The following ARL6 variants were observed in gnomAD, a reference collection of about 807,000 sequenced individuals.
The protein encoded by ARL6 is ARF like GTPase 6.
In ARL6, 18 loss-of-function variants were observed where a neutral mutation model predicts 27.1. That is an observed-to-expected ratio of 0.66 (90% CI 0.46 to 0.98). The LOEUF (loss-of-function observed/expected upper bound fraction) is 0.98. ARL6 is among the 50% of genes least tolerant of loss of function. The probability of loss-of-function intolerance (pLI) is 0.00; values close to 1 mark genes in which losing one functional copy is unlikely to be tolerated. For synonymous variants in ARL6, 65 were observed against 72.3 expected, an observed-to-expected ratio of 0.90 and a Z score of 0.51; for missense variants, 187 against 214.9, an observed-to-expected ratio of 0.87 and a Z score of 0.81.
chr3:97,791,082 TTTAAG>T (rs1423960274), intron 6 of ARL6: 1 of 152,092 alleles, frequency 6.6e-6, no homozygotes, highest in Non-Finnish European at 1.5e-5. Context: ...ACAATAACAA[TTTAAG>T]TTTAGTCTCT....
chr3:97,783,934 G>C (rs932765403), intron 4 of ARL6, among the ~76,000 whole-genome samples: 1 of 151,818 alleles, frequency 6.6e-6, no homozygotes, highest in Admixed American at 6.6e-5. Flanking sequence ...GAAAAGTACT[G>C]AGTCATGTAA....
At chr3:97,794,319 T>C (rs2037892961) in intron 7 of ARL6, among the ~76,000 whole-genome samples, 1 of 151,912 alleles carries the variant, frequency 6.6e-6, no homozygotes, top group African/African-American at 2.4e-5. Flanking sequence ...TTCAAGTAAT[T>C]GTCCTGCCTC....
At chr3:97,773,574 C>T (rs181816273) in intron 2 of ARL6, among the ~76,000 whole-genome samples, 4 of 152,216 alleles carry the variant, frequency 2.6e-5, no homozygotes, top group East Asian at 1.9e-4. Flanking sequence ...AACTATCCTT[C>T]GTACAACCGG....
intron 6 of ARL6, among the ~76,000 whole-genome samples, chr3:97,790,553 C>T (rs2037682866): frequency 6.6e-6 from 1 of 152,086 alleles, no homozygotes; most frequent in South Asian, 2.1e-4. Context: ...ATGACACCTA[C>T]ACCAGAGGGG....
chr3:97,789,109 C>T lies in ARL6; in HGVS notation c.479+990C>T, dbSNP rs189117610. Among the ~76,000 whole-genome samples the T allele has an allele frequency of 3.8e-4, 58 of 152,222 alleles. No homozygotes were observed. The East Asian group carries it at 0.011, about 28-fold the overall frequency. ...GCGCTGAAAGAGTAATAGTAAAGAC[C>T]TTAGGAAAGCTCTTGACACTTTCCA... On this transcript the variant is annotated intron_variant, in intron 6 of 7. Coordinates refer to ENST00000463745, the MANE Select transcript of ARL6 (RefSeq NM_001278293.3).
chr3:97,774,752 A>G (rs1316167861), intron 2 of ARL6, among the ~76,000 whole-genome samples: 1 of 152,110 alleles, frequency 6.6e-6, no homozygotes, highest in East Asian at 1.9e-4. Context: ...CTGTTTTTCC[A>G]CAATTTCAGC....
intron 1 of ARL6, chr3:97,765,857 A>G (rs1259569708): frequency 6.6e-6 from 1 of 152,222 alleles, no homozygotes; most frequent in Non-Finnish European, 1.5e-5. Flanking sequence ...GACTGGCTTC[A>G]ATTATCTTTT....
intron 2 of ARL6, among the ~76,000 whole-genome samples, chr3:97,778,536 T>C (rs1442297644): frequency 6.6e-6 from 1 of 152,160 alleles, no homozygotes; most frequent in Non-Finnish European, 1.5e-5. Flanking sequence ...CCTCTAATAC[T>C]GTTTTTTTAT....
intron 1 of ARL6, 62 bp from the exon 2 acceptor site, chr3:97,768,019 T>A (rs2036465339): frequency 7.0e-7 from 1 of 1,429,588 alleles, no homozygotes; most frequent in Non-Finnish European, 9.8e-7. Context: ...TTAATACACC[T>A]ACCAATATTT....
chr3:97,787,903 A>C (rs2037534511), intron 5 of ARL6, 87 bp from the exon 6 acceptor site: 4 of 1,433,088 alleles, frequency 2.8e-6, no homozygotes, highest in Non-Finnish European at 3.9e-6. Flanking sequence ...AATTGAAAAA[A>C]AATTTCATGG....
At chr3:97,776,764 C>G (rs192893491) in intron 2 of ARL6, among the ~76,000 whole-genome samples, 4 of 152,172 alleles carry the variant, frequency 2.6e-5, no homozygotes, top group African/African-American at 7.2e-5. Context: ...TCAAGTGATT[C>G]TGCTACCTCA....
At chr3:97,784,749 G>A (rs1034031852) in intron 4 of ARL6, among the ~76,000 whole-genome samples, 22 of 151,652 alleles carry the variant, frequency 1.5e-4, no homozygotes. Context: ...TTATCCAAAT[G>A]AAAAGGTATT....
At chr3:97,792,400 T>C (rs1278776191) in intron 7 of ARL6, among the ~76,000 whole-genome samples, 1 of 152,056 alleles carries the variant, frequency 6.6e-6, no homozygotes, top group Non-Finnish European at 1.5e-5. Flanking sequence ...GGAGAATCAT[T>C]TGAACCCAGG....
chr3:97,787,722 A>C (rs767949482), intron 5 of ARL6, among the ~76,000 whole-genome samples: 5 of 152,096 alleles, frequency 3.3e-5, no homozygotes, highest in Admixed American at 6.6e-5. Context: ...CTTCTCTGTA[A>C]TGCTTATTGA....
intron 2 of ARL6, among the ~76,000 whole-genome samples, chr3:97,775,443 AG>A (rs34248636): frequency 0.42 from 63,008 of 151,510 alleles, 14,082 homozygotes; most frequent in East Asian, 0.65. Context: ...AGGCTAAGCC[AG>A]CCTAGCCTTT....
chr3:97,780,251 T>G (rs2037124421), intron 3 of ARL6, 31 bp downstream of exon 3: 1 of 1,563,524 alleles, frequency 6.4e-7, no homozygotes, highest in Non-Finnish European at 8.8e-7. Context: ...ACAAAAAAGT[T>G]GCTAGTGAAA....
At chr3:97,795,447 G>C (rs2037954798) in intron 7 of ARL6, among the ~76,000 whole-genome samples, 1 of 152,128 alleles carries the variant, frequency 6.6e-6, no homozygotes, top group East Asian at 1.9e-4. Flanking sequence ...AATGAAAGAA[G>C]ATTGATCAAG....
rs1411972340 is a variant in ARL6 at position 97,780,198 on chromosome 3, A to G, written c.163A>G (p.Ile55Val). 1 of 1,613,050 alleles carries G rather than the reference A, an allele frequency of 6.2e-7. No homozygotes were observed. The highest frequency in any genetic ancestry group is 8.5e-7 in the Non-Finnish European group (1 of 1,179,380). ...QNILPTIGFS[I>V]EKFKSSSLSF... ...TATCCTTCCAACAATAGGATTCAGC[A>G]TAGAGAAATTCAAATCATCCAGGTA... Residue 55 changes from isoleucine to valine, a missense_variant, in exon 3 of 8, where the codon ATA becomes GTA. Coordinates refer to ENST00000463745, the MANE Select transcript of ARL6 (RefSeq NM_001278293.3).
intron 1 of ARL6, 126 bp from the exon 2 acceptor site, chr3:97,767,955 A>G: frequency 1.2e-5 from 10 of 839,238 alleles, no homozygotes; most frequent in Non-Finnish European, 1.8e-5. Context: ...GTGCAAAGCT[A>G]CATTGACATA....
Sources: gnomAD v4.1 joint callset for allele counts (sites outside exome capture counted in the v4.1 genomes callset) on GRCh38, gnomAD v4.1.1 for gene constraint, MANE v1.5 for transcripts, NCBI Gene and HGNC (gene_info 2026-07-23, HGNC 2026-07-21) for gene names.